Variants in LAMA3 observed in about 807,000 individuals in gnomAD.
LAMA3 encodes the protein laminin subunit alpha 3, also known as laminin subunit alpha-3.
LAMA3 carries 281 observed loss-of-function variants against 402.0 expected under a neutral mutation model. That is an observed-to-expected ratio of 0.70 (90% CI 0.63 to 0.77). The LOEUF (loss-of-function observed/expected upper bound fraction) is 0.77, where lower values mean the gene tolerates loss of function less well. Among genes scored for constraint, LAMA3 ranks in the 30% least tolerant of loss-of-function variants. The probability of loss-of-function intolerance (pLI) is 0.00; values close to 1 mark genes in which losing one functional copy is unlikely to be tolerated. For missense variants in LAMA3, 3,840 were observed against 4,215.5 expected (o/e 0.91, Z 2.47); for synonymous variants, 1,431 against 1,558.4 (o/e 0.92, Z 1.93).
intron 32 of LAMA3, among the ~76,000 whole-genome samples, chr18:23,855,388 G>C (rs2064050343): frequency 6.6e-6 from 1 of 152,166 alleles, no homozygotes; most frequent in Admixed American, 6.5e-5. Flanking sequence ...CTCTCTGATG[G>C]CTTTTATTTT....
chr18:23,901,072 C>T lies in LAMA3; in HGVS notation c.6005-55C>T, dbSNP rs1599042626. On this transcript the variant is annotated intron_variant, in intron 47 of 74. Transcript: ENST00000313654. ...GATTCTCCCTTTGTAGTTTTTATAA[C>T]CCAGCTTCAGTATGCTCATCTGTCA... 11 of 1,474,296 alleles carry T rather than the reference C, an allele frequency of 7.5e-6. No individual in the cohort carries two copies. In the East Asian group the frequency reaches 2.0e-4, roughly 27 times the overall value. The allele number at this position is 1,474,296 out of a possible 1,614,324, so 91.3% of individuals were successfully genotyped here.
intron 71 of LAMA3, 21 bp from the exon 72 acceptor site, chr18:23,950,008 G>C: frequency 6.2e-7 from 1 of 1,614,084 alleles, no homozygotes; most frequent in Non-Finnish European, 8.5e-7. Flanking sequence ...TTTAACTTTT[G>C]CTTTGTTTCT....
intron 43 of LAMA3, 115 bp downstream of exon 43, chr18:23,894,463 G>A: frequency 1.1e-6 from 1 of 931,058 alleles, no homozygotes; most frequent in Non-Finnish European, 1.8e-6. Flanking sequence ...GGTGGGAGGA[G>A]GTGGAAGGAC....
In LAMA3 at chr18:23,842,505, C is replaced by G; in HGVS notation, c.3447C>G (p.Gly1149=). ...TTCCCGCGCAGGTGTCGGTGGATGG[C>G]GGGTGGCCACGGGCAGGTGAGCTGC... ...PTFPAQVSVD[G]GWPRAGSFHA... Residue 1149 remains glycine (G), a synonymous_variant, in exon 28 of 75, where the codon GGC becomes GGG. Coordinates refer to ENST00000313654, the MANE Select transcript of LAMA3 (RefSeq NM_198129.4). 6.2e-7 allele frequency: 1 copy of G among 1,614,212 alleles called. No individual in the cohort carries two copies. Among genetic ancestry groups the G allele is most frequent in the Non-Finnish European group, 8.5e-7 (1 of 1,180,040 alleles).
At chr18:23,869,219 A>T (rs2064443683) in intron 37 of LAMA3, among the ~76,000 whole-genome samples, 1 of 152,378 alleles carries the variant, frequency 6.6e-6, no homozygotes, top group Middle Eastern at 3.4e-3. Flanking sequence ...GAAATGGCAC[A>T]CAATGTATAA....
chr18:23,759,211 C>G (rs2061918041), intron 7 of LAMA3, among the ~76,000 whole-genome samples: 1 of 151,410 alleles, frequency 6.6e-6, no homozygotes, highest in Admixed American at 6.6e-5. Context: ...GTGGTGCAGG[C>G]CTGTAGTCCC....
At chr18:23,768,292 G>A (rs2062121915) in intron 8 of LAMA3, among the ~76,000 whole-genome samples, 1 of 151,848 alleles carries the variant, frequency 6.6e-6, no homozygotes, top group Non-Finnish European at 1.5e-5. Flanking sequence ...AGTTCAGCAA[G>A]CAAAAAACAA....
At position 23,700,706 on chromosome 18, in the gene LAMA3, C is replaced by CTT. The variant is rs59113459; in HGVS notation, c.294+10737_294+10738dup. 7.9e-5 allele frequency among the ~76,000 whole-genome samples: 12 copies of CTT among 151,500 alleles called. No individual in the cohort carries two copies. The East Asian group carries it at 1.9e-3, about 25-fold the overall frequency. ...AATGGTAACTTTTTTCTTTTCTTTT[C>CTT]TTTTTTTTTGAGGCACAATCTCACT... is the stretch of plus-strand genomic sequence containing the variant. On this transcript the variant is annotated intron_variant, in intron 1 of 74. Coordinates refer to ENST00000313654, the MANE Select transcript of LAMA3 (RefSeq NM_198129.4).
At chr18:23,813,214 A>G in intron 14 of LAMA3, 111 bp downstream of exon 14, 1 of 771,612 alleles carries the variant, frequency 1.3e-6, no homozygotes, top group Non-Finnish European at 2.3e-6. Flanking sequence ...CCAAGGCTAA[A>G]TTGCTTAAAG....
intron 2 of LAMA3, among the ~76,000 whole-genome samples, chr18:23,720,572 T>C (rs2145945056): frequency 6.6e-6 from 1 of 152,290 alleles, no homozygotes; most frequent in African/African-American, 2.4e-5. Context: ...ATCAGGATGA[T>C]CTTGATTTCT....
chr18:23,841,069 T>C (rs1332367964), intron 27 of LAMA3, among the ~76,000 whole-genome samples: 1 of 152,226 alleles, frequency 6.6e-6, no homozygotes, highest in Non-Finnish European at 1.5e-5. Flanking sequence ...GCATTGGATT[T>C]GGGAATCTAC....
At chr18:23,703,667 G>T (rs543981307) in intron 1 of LAMA3, among the ~76,000 whole-genome samples, 35 of 152,082 alleles carry the variant, frequency 2.3e-4, no homozygotes, top group Non-Finnish European at 4.9e-4. Context: ...AGGTGTGTGT[G>T]TGTGTGTTTA....
chr18:23,808,854 T>A lies in LAMA3; in HGVS notation c.1604-1512T>A, dbSNP rs1441471937. ...CTGTGGGGGCCCCATGCGCCAAGGC[T>A]TAGATTCCAAGGCTACCTGTAAATA... On this transcript the variant is annotated intron_variant, in intron 12 of 74. Coordinates refer to ENST00000313654, the MANE Select transcript of LAMA3 (RefSeq NM_198129.4). Among the ~76,000 whole-genome samples the A allele has an allele frequency of 2.0e-5, 3 of 152,336 alleles. No individual in the cohort carries two copies. The South Asian group carries it at 6.2e-4, about 32-fold the overall frequency.
Position 23,949,826 on chromosome 18 carries a change from T to C in LAMA3, c.9413T>C (p.Leu3138Ser), listed in dbSNP as rs1043786892. 1.2e-6 allele frequency: 2 copies of C among 1,614,050 alleles called. No individual in the cohort carries two copies. Among genetic ancestry groups the C allele is most frequent in the African/African-American group, 2.7e-5 (2 of 75,006 alleles). Residue 3138 changes from leucine to serine, a missense_variant, in exon 71 of 75, where the codon TTG (leucine) becomes TCG (serine). Leu to Ser is a moderately radical substitution (Grantham distance 145). Coordinates refer to ENST00000313654, the MANE Select transcript of LAMA3 (RefSeq NM_198129.4). Reference protein sequence around the residue: ...LKNFQLDSKPLYTPSSSFGVS... With the variant: ...LKNFQLDSKPSYTPSSSFGVS... ...AACTTTCAGCTGGATTCAAAACCCT[T>C]GTATACCCCTTCTTCAAGCTTCGGG...
intron 35 of LAMA3, among the ~76,000 whole-genome samples, chr18:23,862,354 C>G (rs2144746653): frequency 6.6e-6 from 1 of 152,316 alleles, no homozygotes; most frequent in Middle Eastern, 3.4e-3. Context: ...ATGCCAGAGG[C>G]TGGCCACCTC....
chr18:23,941,215 C>T (rs1311647310), intron 68 of LAMA3, among the ~76,000 whole-genome samples: 1 of 151,964 alleles, frequency 6.6e-6, no homozygotes, highest in African/African-American at 2.4e-5. Flanking sequence ...GGATTACAGG[C>T]GTGAGCCACC....
intron 12 of LAMA3, among the ~76,000 whole-genome samples, chr18:23,796,639 T>G (rs2062768547): frequency 6.6e-6 from 1 of 152,238 alleles, no homozygotes; most frequent in African/African-American, 2.4e-5. Flanking sequence ...GTCTTATCTC[T>G]TATTTTAAAT....
chr18:23,769,473 A>G (rs954247620), intron 8 of LAMA3, among the ~76,000 whole-genome samples: 11 of 152,248 alleles, frequency 7.2e-5, no homozygotes, highest in African/African-American at 2.4e-4. Flanking sequence ...AAATAATACA[A>G]TATTAACTCT....
intron 1 of LAMA3, among the ~76,000 whole-genome samples, chr18:23,707,703 G>A (rs983553248): frequency 4.0e-5 from 6 of 150,474 alleles, no homozygotes; most frequent in Non-Finnish European, 5.9e-5. Flanking sequence ...GTTTCACTAT[G>A]TTGCTCAGGC....
Sources: allele counts gnomAD v4.1 joint callset (sites outside exome capture counted in the v4.1 genomes callset), GRCh38; gene constraint gnomAD v4.1.1; transcripts MANE v1.5; gene names NCBI Gene and HGNC (gene_info 2026-07-23, HGNC 2026-07-21).